ASPRV1: variants seen among roughly 807,000 people sequenced by gnomAD.
ASPRV1 encodes the protein aspartic peptidase retroviral like 1.
A neutral mutation model predicts 11.0 loss-of-function variants in ASPRV1; 7 were observed. The ratio of observed to expected loss-of-function variants is 0.64; its 90% CI spans 0.36 to 1.20. ASPRV1 has a LOEUF of 1.20. ASPRV1 is among the 50% of genes most tolerant of loss of function. The probability of loss-of-function intolerance (pLI) is 0.02; values close to 1 mark genes in which losing one functional copy is unlikely to be tolerated. For missense variants in ASPRV1, 299 were observed against 320.0 expected (o/e 0.93, Z 0.50); for synonymous variants, 136 against 138.4 (o/e 0.98, Z 0.12).
chr2:70,034,431 C>T, the ASPRV1 span, among the ~76,000 whole-genome samples: 2 of 151,792 alleles, frequency 1.3e-5, no homozygotes, highest in Non-Finnish European at 1.5e-5. Context: ...ATTAGCCAGG[C>T]GTGGTGGCGC....
At chr2:69,950,844 A>AAAAT in the ASPRV1 span, among the ~76,000 whole-genome samples, 70,760 of 136,692 alleles carry the variant, frequency 0.52, 19,684 homozygotes, top group Non-Finnish European at 0.63. Flanking sequence ...CTCTGTCTCA[A>AAAAT]AAATAAATAA....
At chr2:70,000,036 G>A in the ASPRV1 span, among the ~76,000 whole-genome samples, 9,423 of 152,232 alleles carry the variant, frequency 0.062, 1,010 homozygotes, top group African/African-American at 0.21. Context: ...CCGCCTCCCT[G>A]CTGGCCTCCC....
the ASPRV1 span, among the ~76,000 whole-genome samples, chr2:69,945,727 A>C: frequency 1.3e-5 from 2 of 152,216 alleles, no homozygotes; most frequent in African/African-American, 4.8e-5. Context: ...TCTTATCCAA[A>C]GGGATGACCA....
rs142181991 is a variant in ASPRV1, at chr2:69,961,203, C to T, written c.234G>A (p.Gly78=). The change falls in exon 1 of 1, where the codon GGG becomes GGA. Residue 78 remains glycine, a synonymous_variant. Coordinates refer to ENST00000320256, the MANE Select transcript of ASPRV1 (RefSeq NM_152792.4). ...RLSPQDQGDY[G]TVKEALLKAF... Reference sequence around the variant, plus strand: ...CCTTCAGGAGGGCCTCTTTCACAGTCCCATAGTCTCCCTGGTCCTGGGGAC... The same window carrying T: ...CCTTCAGGAGGGCCTCTTTCACAGTTCCATAGTCTCCCTGGTCCTGGGGAC... 1.3e-5 allele frequency: 21 copies of T among 1,613,918 alleles called. No homozygotes were observed. The highest frequency in any genetic ancestry group is 1.7e-5 in the Non-Finnish European group (20 of 1,179,940).
At chr2:69,959,871 A>G (rs1327628818), downstream of ASPRV1, among the ~76,000 whole-genome samples, 1 of 152,244 alleles carries the variant, frequency 6.6e-6, no homozygotes, top group Non-Finnish European at 1.5e-5. Context: ...TGAAATAAGT[A>G]GAGGAATTAT....
the ASPRV1 span, among the ~76,000 whole-genome samples, chr2:69,937,626 T>C: frequency 3.3e-5 from 5 of 152,188 alleles, no homozygotes; most frequent in African/African-American, 1.2e-4. Context: ...TTGTTTTGTT[T>C]TGTTTTGAGA....
chr2:70,017,266 C>T, the ASPRV1 span, among the ~76,000 whole-genome samples: 1 of 152,218 alleles, frequency 6.6e-6, no homozygotes, highest in Non-Finnish European at 1.5e-5. Flanking sequence ...GCTGGGATTA[C>T]AGGCGTGAGC....
the ASPRV1 span, chr2:69,971,313 G>A: frequency 6.6e-6 from 1 of 151,834 alleles, no homozygotes; most frequent in East Asian, 1.9e-4. Context: ...TTCTATTTGG[G>A]GCCACTTCTT....
the ASPRV1 span, among the ~76,000 whole-genome samples, chr2:69,977,963 G>C: frequency 6.6e-6 from 1 of 152,142 alleles, no homozygotes; most frequent in Admixed American, 6.5e-5. Flanking sequence ...CATGCCCTTG[G>C]GTGGTGAATG....
the ASPRV1 span, among the ~76,000 whole-genome samples, chr2:69,987,692 G>A: frequency 3.9e-5 from 6 of 152,100 alleles, no homozygotes; most frequent in African/African-American, 1.4e-4. Context: ...CGAGGCTGTA[G>A]TGAGCTATGA....
At chr2:70,084,984 C>A in the ASPRV1 span, among the ~76,000 whole-genome samples, 2 of 152,210 alleles carry the variant, frequency 1.3e-5, no homozygotes, top group Non-Finnish European at 2.9e-5. Flanking sequence ...TATCCACACA[C>A]AATCAGAGCC....
the ASPRV1 span, among the ~76,000 whole-genome samples, chr2:70,058,972 C>T: frequency 1.7e-4 from 26 of 149,770 alleles, no homozygotes; most frequent in African/African-American, 4.9e-4. Context: ...CTGCAAGCTC[C>T]GCCTCCCAGG....
At chr2:69,974,414 TAA>T in the ASPRV1 span, among the ~76,000 whole-genome samples, 16 of 152,184 alleles carry the variant, frequency 1.1e-4, no homozygotes, top group Admixed American at 1.3e-4. Context: ...CATTTAATTG[TAA>T]GTTTATATAA....
At chr2:69,979,404 T>C in the ASPRV1 span, among the ~76,000 whole-genome samples, 5 of 152,096 alleles carry the variant, frequency 3.3e-5, no homozygotes, top group Admixed American at 6.5e-5. Context: ...TTTGTTTCAG[T>C]GTCTGGGCTC....
chr2:69,981,892 T>A, the ASPRV1 span, among the ~76,000 whole-genome samples: 2 of 152,138 alleles, frequency 1.3e-5, no homozygotes, highest in Admixed American at 1.3e-4. Context: ...CACAGGTTGG[T>A]AGAGCCCAGT....
chr2:69,968,946 A>G, the ASPRV1 span, among the ~76,000 whole-genome samples: 1 of 152,150 alleles, frequency 6.6e-6, no homozygotes, highest in Non-Finnish European at 1.5e-5. Context: ...CTGAATCTCC[A>G]AATTCTCACT....
At chr2:70,083,184 A>G in the ASPRV1 span, among the ~76,000 whole-genome samples, 1 of 152,248 alleles carries the variant, frequency 6.6e-6, no homozygotes. Flanking sequence ...GCTATCCCAC[A>G]CATCAAAGTC....
chr2:70,007,961 G>T, the ASPRV1 span, among the ~76,000 whole-genome samples: 1 of 151,824 alleles, frequency 6.6e-6, no homozygotes, highest in Non-Finnish European at 1.5e-5. Flanking sequence ...TCAGTCTCCC[G>T]AGTAGCTGGG....
In ASPRV1 at chr2:69,960,763, T is replaced by G; in HGVS notation, c.674A>C (p.Lys225Thr). Residue 225 changes from lysine to threonine, a missense_variant, in exon 1 of 1, where the codon AAG becomes ACG. Coordinates refer to ENST00000320256, the MANE Select transcript of ASPRV1 (RefSeq NM_152792.4). Reference sequence around the variant, plus strand: ...CCCTCCCACAGGCAGAAGGCGAAACTTCTTCCCTTTCAGGGTGCATGTGCG... The same window carrying G: ...CCCTCCCACAGGCAGAAGGCGAAACGTCTTCCCTTTCAGGGTGCATGTGCG... ...EHRTCTLKGK[K>T]FRLLPVGGSL... 6.2e-7 allele frequency: 1 copy of G among 1,614,118 alleles called. No homozygotes were observed. Among genetic ancestry groups the G allele is most frequent in the Non-Finnish European group, 8.5e-7 (1 of 1,180,002 alleles).
Sources: allele counts gnomAD v4.1 joint callset (sites outside exome capture counted in the v4.1 genomes callset), GRCh38; gene constraint gnomAD v4.1.1; transcripts MANE v1.5; gene names NCBI Gene and HGNC (gene_info 2026-07-23, HGNC 2026-07-21).